The following TAF3 variants were observed in gnomAD, a reference collection of about 807,000 sequenced individuals.
The protein encoded by TAF3 is TATA-box binding protein associated factor 3.
In TAF3, 7 loss-of-function variants were observed where a neutral mutation model predicts 80.6. The ratio of observed to expected loss-of-function variants is 0.09; its 90% CI spans 0.05 to 0.16. The LOEUF is 0.16. Among genes scored for constraint, TAF3 ranks in the 10% least tolerant of loss-of-function variants. The pLI, the probability that TAF3 is intolerant of heterozygous loss-of-function variation, is 1.00. For synonymous variants in TAF3, 444 were observed against 446.1 expected, an observed-to-expected ratio of 1.00 and a Z score of 0.06; for missense variants, 921 against 1,140.2, an observed-to-expected ratio of 0.81 and a Z score of 2.77.
rs766668369 is a variant in TAF3, at chr10:7,972,838, T to A, written c.2233-4403T>A. Among the ~76,000 whole-genome samples the A allele has an allele frequency of 1.2e-3, 183 of 152,232 alleles. 1 individual carries two copies. Among genetic ancestry groups the A allele is most frequent in the Non-Finnish European group, 2.6e-4 (18 of 68,034 alleles). On this transcript the variant is annotated intron_variant, in intron 3 of 6. Transcript: ENST00000344293. ...GCCAAGGTTAATGTCAGTTTCCATA[T>A]AAACTAGTTAGCCTCCCATGGAGAA...
chr10:7,987,779 C>T (rs1251920230), intron 4 of TAF3, among the ~76,000 whole-genome samples: 3 of 152,288 alleles, frequency 2.0e-5, no homozygotes, highest in East Asian at 1.9e-4. Context: ...TCTTCTCCCT[C>T]GTGGGCCTGT....
chr10:7,906,312 C>T (rs1205563541), intron 2 of TAF3, among the ~76,000 whole-genome samples: 1 of 152,190 alleles, frequency 6.6e-6, no homozygotes, highest in Non-Finnish European at 1.5e-5. Context: ...TCTGATAACG[C>T]CCACATTTAA....
chr10:7,822,273 G>T (rs1163076890), intron 1 of TAF3, among the ~76,000 whole-genome samples: 1 of 151,474 alleles, frequency 6.6e-6, no homozygotes, highest in East Asian at 1.9e-4. Flanking sequence ...GGCCGAAGGG[G>T]ACGGGGACAG....
At chr10:7,851,155 A>G (rs1470506812) in intron 2 of TAF3, among the ~76,000 whole-genome samples, 1 of 152,212 alleles carries the variant, frequency 6.6e-6, no homozygotes, top group Non-Finnish European at 1.5e-5. Context: ...TAAAAATGCT[A>G]GAGTGTGGGA....
At chr10:7,843,855 T>G (rs1244812362) in intron 2 of TAF3, among the ~76,000 whole-genome samples, 1 of 152,126 alleles carries the variant, frequency 6.6e-6, no homozygotes, top group Non-Finnish European at 1.5e-5. Context: ...TTAGTTAAAT[T>G]TTATCATCCA....
At chr10:7,883,640 G>T (rs1044052380) in intron 2 of TAF3, among the ~76,000 whole-genome samples, 1 of 152,156 alleles carries the variant, frequency 6.6e-6, no homozygotes, top group Non-Finnish European at 1.5e-5. Context: ...TTGCTGGATG[G>T]TAAATTTCTA....
chr10:8,015,429 C>T lies in TAF3; in HGVS notation c.*678C>T, dbSNP rs1487319613. ...TATCTTCGTTGCATTCTAATTTTGCCCTTCTTTAAACTGCTGGAGTCTCTT... is the reference window on the plus strand; with the variant it reads ...TATCTTCGTTGCATTCTAATTTTGCTCTTCTTTAAACTGCTGGAGTCTCTT... On this transcript the variant is annotated 3_prime_UTR_variant, in exon 7 of 7. Coordinates refer to ENST00000344293, the MANE Select transcript of TAF3 (RefSeq NM_031923.4). 1 of 151,988 alleles carries T rather than the reference C, an allele frequency of 6.6e-6. No homozygotes were observed. Among genetic ancestry groups the T allele is most frequent in the Non-Finnish European group, 1.5e-5 (1 of 68,008 alleles). 9.4% of individuals were successfully genotyped at this position (151,988 alleles called of 1,614,324 possible). A position where few individuals can be genotyped will look rare whatever the true frequency, so the allele number is the denominator to read the frequency against.
At chr10:7,946,330 C>T (rs916194734) in intron 2 of TAF3, among the ~76,000 whole-genome samples, 1 of 152,184 alleles carries the variant, frequency 6.6e-6, no homozygotes, top group African/African-American at 2.4e-5. Context: ...GCTGTCCCTG[C>T]ACCTGGAGTA....
chr10:8,013,936 C>A, intron 6 of TAF3, 99 bp downstream of exon 6: 1 of 1,017,630 alleles, frequency 9.8e-7, no homozygotes, highest in Non-Finnish European at 1.5e-6. Flanking sequence ...TTTGGACTGA[C>A]CCAGGGCTGT....
intron 4 of TAF3, among the ~76,000 whole-genome samples, chr10:7,993,512 G>T (rs1831854118): frequency 6.6e-6 from 1 of 152,118 alleles, no homozygotes. Context: ...ATTTGTTTAA[G>T]AAACCAGATC....
At chr10:7,900,598 C>T (rs905427116) in intron 2 of TAF3, among the ~76,000 whole-genome samples, 2 of 152,012 alleles carry the variant, frequency 1.3e-5, no homozygotes, top group African/African-American at 4.8e-5. Flanking sequence ...GGCATGAAAT[C>T]GAATCTCAAC....
intron 2 of TAF3, among the ~76,000 whole-genome samples, chr10:7,935,423 A>G (rs2131200960): frequency 6.6e-6 from 1 of 152,078 alleles, no homozygotes; most frequent in Non-Finnish European, 1.5e-5. Flanking sequence ...GTCTTGACTA[A>G]AAATACAAAA....
intron 2 of TAF3, among the ~76,000 whole-genome samples, chr10:7,863,615 A>AG (rs1490898704): frequency 1.1e-5 from 1 of 89,048 alleles, no homozygotes; most frequent in Non-Finnish European, 2.2e-5. Flanking sequence ...GTCTAAAAAA[A>AG]AAAAAAAAAA....
chr10:7,940,616 G>T (rs903816536), intron 2 of TAF3, among the ~76,000 whole-genome samples: 5 of 152,156 alleles, frequency 3.3e-5, no homozygotes, highest in African/African-American at 1.2e-4. Context: ...TATTATTTGA[G>T]ACAGTTCTTG....
chr10:7,964,995 G>A lies in TAF3; in HGVS notation c.1485G>A (p.Pro495=), dbSNP rs755185594. 11 of 1,613,926 alleles carry A rather than the reference G, an allele frequency of 6.8e-6. No individual in the cohort carries two copies. Among genetic ancestry groups the A allele is most frequent in the South Asian group, 1.1e-5 (1 of 91,070 alleles). Residue 495 remains proline (P), a synonymous_variant, in exon 3 of 7, where the codon CCG becomes CCA. Coordinates refer to ENST00000344293, the MANE Select transcript of TAF3 (RefSeq NM_031923.4). The surrounding 1 kb of genome is among the most constrained non-coding windows in gnomAD (Gnocchi z 4.1). The stretch of plus-strand genomic sequence containing the variant: ...CCAACTTTCCTTATATCTCTTCTCC[G>A]TCAGTGTCTCCTCCCACTCCCGAAC... ...MPPNFPYISS[P]SVSPPTPEPL...
At chr10:7,940,365 G>A (rs769186311) in intron 2 of TAF3, among the ~76,000 whole-genome samples, 3 of 152,166 alleles carry the variant, frequency 2.0e-5, no homozygotes, top group Non-Finnish European at 4.4e-5. Flanking sequence ...TTAGCATGAT[G>A]CCATGCATAT....
chr10:7,992,892 C>T (rs1431750415), intron 4 of TAF3, among the ~76,000 whole-genome samples: 1 of 152,138 alleles, frequency 6.6e-6, no homozygotes, highest in Non-Finnish European at 1.5e-5. Context: ...TTATTCCCAA[C>T]GCATTTCCAA....
At chr10:7,958,906 G>A (rs150129459) in intron 2 of TAF3, among the ~76,000 whole-genome samples, 1,858 of 152,264 alleles carry the variant, frequency 0.012, 40 homozygotes, top group African/African-American at 0.042. Flanking sequence ...AGGCTGAGGT[G>A]GGCGGATCAC....
In TAF3 at chr10:8,009,626, CTTT is replaced by C. The variant is rs1278793893; in HGVS notation, c.2568+306_2568+308del. Among the ~76,000 whole-genome samples the C allele has an allele frequency of 1.4e-5, 2 of 142,736 alleles. No homozygotes were observed. The highest frequency in any genetic ancestry group is 7.0e-5 in the Admixed American group (1 of 14,246). 93.6% of individuals were successfully genotyped at this position (142,736 alleles called of 152,430 possible). ...TGGCCAGACACGTTTCTTTTTTTTT[CTTT>C]TTTTTTTTTGAGACAGAGTTTCGCT... On this transcript the variant is annotated intron_variant, in intron 5 of 6. Transcript: ENST00000344293. The surrounding 1 kb of genome is among the most constrained non-coding windows in gnomAD (Gnocchi z 4.1).
Sources: allele counts gnomAD v4.1 joint callset (sites outside exome capture counted in the v4.1 genomes callset), GRCh38; gene constraint gnomAD v4.1.1; non-coding constraint Gnocchi (gnomAD v3.1); transcripts MANE v1.5; gene names NCBI Gene and HGNC (gene_info 2026-07-23, HGNC 2026-07-21).